Variants in LIPI observed in about 807,000 individuals in gnomAD.
LIPI encodes the protein lipase member I.
A neutral mutation model predicts 50.6 loss-of-function variants in LIPI; 59 were observed. The ratio of observed to expected loss-of-function variants is 1.16; its 90% CI spans 0.94 to 1.45. The LOEUF is 1.45. Among genes scored for constraint, LIPI ranks in the 40% most tolerant of loss-of-function variants. The pLI, the probability that LIPI is intolerant of heterozygous loss-of-function variation, is 0.00. For missense variants in LIPI, 586 were observed against 536.3 expected, an observed-to-expected ratio of 1.09 and a Z score of -0.92; for synonymous variants, 203 against 178.2, an observed-to-expected ratio of 1.14 and a Z score of -1.11.
intron 1 of LIPI, 102 bp downstream of exon 1, chr21:14,210,698 T>G (rs573322909): frequency 4.1e-4 from 144 of 347,762 alleles, no homozygotes; most frequent in Non-Finnish European, 5.9e-4. Flanking sequence ...TCTAACATAT[T>G]TTTATCCCAT....
At chr21:14,197,812 T>C (rs2019913968) in intron 1 of LIPI, among the ~76,000 whole-genome samples, 1 of 150,978 alleles carries the variant, frequency 6.6e-6, no homozygotes, top group Non-Finnish European at 1.5e-5. Flanking sequence ...CCAAGACACA[T>C]AATCATCAGA....
chr21:14,139,379 A>G (rs1364627033), intron 9 of LIPI, among the ~76,000 whole-genome samples: 2 of 152,152 alleles, frequency 1.3e-5, no homozygotes, highest in Admixed American at 6.6e-5. Context: ...CATAGCCTTC[A>G]ATTGGGTTTA....
intron 1 of LIPI, among the ~76,000 whole-genome samples, chr21:14,206,350 G>A (rs1228833615): frequency 6.6e-6 from 1 of 152,122 alleles, no homozygotes; most frequent in African/African-American, 2.4e-5. Context: ...TCCTGTTACT[G>A]TAACATTCTT....
At chr21:14,183,971 A>T (rs2019364143) in intron 3 of LIPI, among the ~76,000 whole-genome samples, 1 of 152,204 alleles carries the variant, frequency 6.6e-6, no homozygotes, top group Admixed American at 6.5e-5. Context: ...CAATCCCATT[A>T]CTGGGTATAT....
intron 4 of LIPI, among the ~76,000 whole-genome samples, chr21:14,180,340 C>T (rs576265571): frequency 1.3e-5 from 2 of 152,290 alleles, no homozygotes; most frequent in African/African-American, 4.8e-5. Context: ...TGTTCTTACA[C>T]CCCCTTCCCT....
intron 8 of LIPI, among the ~76,000 whole-genome samples, chr21:14,150,670 C>T (rs1212913186): frequency 4.0e-5 from 6 of 151,888 alleles, no homozygotes; most frequent in Non-Finnish European, 8.8e-5. Context: ...TATATACATA[C>T]ATAAATACAA....
chr21:14,187,552 A>T (rs1273435925), intron 2 of LIPI, among the ~76,000 whole-genome samples: 1 of 152,134 alleles, frequency 6.6e-6, no homozygotes, highest in African/African-American at 2.4e-5. Flanking sequence ...AAATTTTCCT[A>T]AATATTTCTA....
chr21:14,168,669 G>A (rs9975982), intron 4 of LIPI, among the ~76,000 whole-genome samples: 39,017 of 151,962 alleles, frequency 0.26, 5,293 homozygotes, highest in Middle Eastern at 0.34. Flanking sequence ...AATGCTGAGA[G>A]ATTTTTGTCA....
chr21:14,156,158 C>T (rs1266528615), intron 7 of LIPI, among the ~76,000 whole-genome samples: 2 of 151,844 alleles, frequency 1.3e-5, no homozygotes, highest in Admixed American at 1.3e-4. Flanking sequence ...TGTCCTAATC[C>T]CTGGAACCTA....
Position 14,170,515 on chromosome 21 carries a change from C to T in LIPI, c.644-4064G>A, listed in dbSNP as rs201272303. Among the ~76,000 whole-genome samples the T allele has an allele frequency of 1.8e-4, 27 of 152,286 alleles. 2 individuals carry two copies. In the Middle Eastern group the frequency reaches 0.02, roughly 115 times the overall value. ...GCAGCACATCAAGAAGCTTATCCAC[C>T]ATGATCAAGTGGGCTTCATCCCTGG... On this transcript the variant is annotated intron_variant, in intron 4 of 9. Coordinates refer to ENST00000681601, the MANE Select transcript of LIPI (RefSeq NM_001302998.2).
intron 9 of LIPI, among the ~76,000 whole-genome samples, chr21:14,130,203 G>A (rs188809584): frequency 1.3e-5 from 2 of 152,234 alleles, no homozygotes; most frequent in South Asian, 2.1e-4. Flanking sequence ...AGCCAGGTGT[G>A]GGGGTGTGCA....
intron 9 of LIPI, among the ~76,000 whole-genome samples, chr21:14,132,697 C>T (rs1159790434): frequency 4.3e-4 from 66 of 151,962 alleles, no homozygotes; most frequent in Non-Finnish European, 2.9e-5. Context: ...GGCAACACTA[C>T]AGAATCTCAT....
intron 9 of LIPI, among the ~76,000 whole-genome samples, chr21:14,117,510 G>A (rs2016695899): frequency 6.6e-6 from 1 of 152,174 alleles, no homozygotes. Context: ...AGGCCCAAGG[G>A]CTGCTAAACT....
chr21:14,205,178 A>G (rs1043113689), intron 1 of LIPI, among the ~76,000 whole-genome samples: 7 of 151,844 alleles, frequency 4.6e-5, no homozygotes, highest in African/African-American at 1.7e-4. Flanking sequence ...TTAAAATAAA[A>G]TTACCATATC....
chr21:14,136,815 G>A (rs1190396763), intron 9 of LIPI, among the ~76,000 whole-genome samples: 1 of 152,194 alleles, frequency 6.6e-6, no homozygotes, highest in Admixed American at 6.5e-5. Context: ...CATAGTGTTG[G>A]TGGCCACAGG....
In LIPI at chr21:14,182,902, A is replaced by T. The variant is rs376271828; in HGVS notation, c.542-1043T>A. ...TAGGAAGAATCAATATATTGTGAAA[A>T]GGTAATTTATAGATTCAATGCCATC... On this transcript the variant is annotated intron_variant, in intron 3 of 9. Coordinates refer to ENST00000681601, the MANE Select transcript of LIPI (RefSeq NM_001302998.2). Among the ~76,000 whole-genome samples the T allele has an allele frequency of 2.6e-5, 4 of 152,206 alleles. No homozygotes were observed. In the East Asian group the frequency reaches 7.7e-4, roughly 29 times the overall value.
intron 1 of LIPI, chr21:14,206,871 G>C (rs2020240757): frequency 6.2e-7 from 1 of 1,612,704 alleles, no homozygotes; most frequent in Non-Finnish European, 8.5e-7. Flanking sequence ...GAACTGAAAA[G>C]CATGAGCACT....
rs2017839675 is a variant in LIPI at position 14,144,741 on chromosome 21, C to T, written c.1177G>A (p.Asp393Asn). Reference sequence around the variant, plus strand: ...CCAATGCTTGAAATATTTACAAAGTCATTATAAAATTGAGCAAGAATCTTG... The same window carrying T: ...CCAATGCTTGAAATATTTACAAAGTTATTATAAAATTGAGCAAGAATCTTG... Reference protein sequence around the residue: ...EVKILAQFYNDFVNISSIGLT... With the variant: ...EVKILAQFYNNFVNISSIGLT... The change falls in exon 9 of 10, where the codon GAC becomes AAC. Residue 393 changes from aspartate (D) to asparagine (N), a missense_variant. Physicochemically the swap from Asp to Asn is conservative, Grantham distance 23 (BLOSUM62 1). Coordinates refer to ENST00000681601, the MANE Select transcript of LIPI (RefSeq NM_001302998.2). 6.3e-7 allele frequency: 1 copy of T among 1,579,728 alleles called. No homozygotes were observed. Among genetic ancestry groups the T allele is most frequent in the Admixed American group, 1.7e-5 (1 of 59,754 alleles).
chr21:14,192,760 C>T (rs2019720748), intron 1 of LIPI, among the ~76,000 whole-genome samples: 1 of 152,078 alleles, frequency 6.6e-6, no homozygotes, highest in Non-Finnish European at 1.5e-5. Context: ...CAAAATTGTC[C>T]TTTAAAAATG....
Sources: allele counts gnomAD v4.1 joint callset (sites outside exome capture counted in the v4.1 genomes callset), GRCh38; gene constraint gnomAD v4.1.1; transcripts MANE v1.5; gene names NCBI Gene and HGNC (gene_info 2026-07-23, HGNC 2026-07-21).